The following TSHR variants were observed in gnomAD, a reference collection of about 807,000 sequenced individuals.
The protein encoded by TSHR is thyroid stimulating hormone receptor, also known as thyrotropin receptor.
A neutral mutation model predicts 64.1 loss-of-function variants in TSHR; 51 were observed. The ratio of observed to expected loss-of-function variants is 0.80; its 90% CI spans 0.64 to 1.01. The LOEUF (loss-of-function observed/expected upper bound fraction) is 1.01, where lower values mean the gene tolerates loss of function less well. Among genes scored for constraint, TSHR ranks in the 50% least tolerant of loss-of-function variants. The probability of loss-of-function intolerance (pLI) is 0.00; values close to 1 mark genes in which losing one functional copy is unlikely to be tolerated. For missense variants in TSHR, 877 were observed against 942.8 expected, an observed-to-expected ratio of 0.93 and a Z score of 0.91; for synonymous variants, 361 against 361.9, an observed-to-expected ratio of 1.00 and a Z score of 0.03.
intron 1 of TSHR, among the ~76,000 whole-genome samples, chr14:80,983,813 CA>C (rs1888297884): frequency 6.6e-6 from 1 of 152,180 alleles, no homozygotes; most frequent in Admixed American, 6.5e-5. Flanking sequence ...TTGGGGGTAT[CA>C]GATGAATATC....
intron 3 of TSHR, among the ~76,000 whole-genome samples, chr14:81,085,323 C>T (rs1350110273): frequency 6.6e-6 from 1 of 152,164 alleles, no homozygotes; most frequent in African/African-American, 2.4e-5. Flanking sequence ...GACCACTCCA[C>T]CCCTTCTCTG....
intron 1 of TSHR, among the ~76,000 whole-genome samples, chr14:81,054,228 G>T (rs187629046): frequency 6.6e-6 from 1 of 152,282 alleles, no homozygotes; most frequent in Non-Finnish European, 1.5e-5. Flanking sequence ...TTCTTTGCCT[G>T]CTGCCATCCA....
rs76459578 is a variant in TSHR, at chr14:80,984,865, G to A, written c.170+29015G>A. ...CATCAGCAAGGGGAACTTGTTAGATGTCCTTTGCATCTTTTTCTACCCATT... is the reference window on the plus strand; with the variant it reads ...CATCAGCAAGGGGAACTTGTTAGATATCCTTTGCATCTTTTTCTACCCATT... On this transcript the variant is annotated intron_variant, in intron 1 of 9. Transcript: ENST00000298171. Among the ~76,000 whole-genome samples the A allele has an allele frequency of 1.7e-3, 255 of 152,258 alleles. 2 individuals are homozygous for A. The East Asian group carries it at 0.04, about 24-fold the overall frequency.
chr14:80,968,271 G>A (rs1887418736), intron 1 of TSHR, among the ~76,000 whole-genome samples: 1 of 152,044 alleles, frequency 6.6e-6, no homozygotes, highest in Non-Finnish European at 1.5e-5. Context: ...CAGGTACCCA[G>A]GGTTGGTTAG....
chr14:81,079,448 A>C (rs1412064796), intron 3 of TSHR, among the ~76,000 whole-genome samples: 1 of 152,210 alleles, frequency 6.6e-6, no homozygotes, highest in Admixed American at 6.5e-5. Context: ...CTCTTGCCAA[A>C]GTTTTCTTAG....
rs192880617 is a variant in TSHR at position 81,108,608 on chromosome 14, A to T, written c.692+156A>T. 7.4e-6 allele frequency: 12 copies of T among 1,612,676 alleles called. No individual in the cohort carries two copies. In the Admixed American group the frequency reaches 1.5e-4, roughly 20 times the overall value. ...TGCAAGTCCCTCTTTTCCTGGCTGT[A>T]TAGGCTACCTCTTGGAAGAAAGTCC... On this transcript the variant is annotated intron_variant, in intron 8 of 9. Transcript: ENST00000298171.
At position 80,989,121 on chromosome 14, in the gene TSHR, T is replaced by C. The variant is rs551376725; in HGVS notation, c.170+33271T>C. 3.9e-5 allele frequency among the ~76,000 whole-genome samples: 6 copies of C among 152,318 alleles called. No individual in the cohort carries two copies. The South Asian group carries it at 1.2e-3, about 32-fold the overall frequency. On this transcript the variant is annotated intron_variant, in intron 1 of 9. Transcript: ENST00000298171. ...CTCTTTTCCCCATTGTCCTTACTTCTGTTATCATTGACTCTTCCTCTGCCT... is the reference window on the plus strand; with the variant it reads ...CTCTTTTCCCCATTGTCCTTACTTCCGTTATCATTGACTCTTCCTCTGCCT...
chr14:80,969,840 G>A (rs1887507834), intron 1 of TSHR, among the ~76,000 whole-genome samples: 1 of 152,160 alleles, frequency 6.6e-6, no homozygotes, highest in South Asian at 2.1e-4. Context: ...CATAGATATA[G>A]CCATATTTGT....
rs968009715 is a variant in TSHR at position 81,114,882 on chromosome 14, G to A, written c.692+6430G>A. On this transcript the variant is annotated intron_variant, in intron 8 of 9. Transcript: ENST00000298171. ...AGTGGGTCCCTGACCCCTGACCCCCGAGCAGCCTAACTGGGAGGCACCCCC... is the reference window on the plus strand; with the variant it reads ...AGTGGGTCCCTGACCCCTGACCCCCAAGCAGCCTAACTGGGAGGCACCCCC... 3.0e-4 allele frequency among the ~76,000 whole-genome samples: 46 copies of A among 152,114 alleles called. No homozygotes were observed. In the East Asian group the frequency reaches 3.5e-3, roughly 12 times the overall value.
intron 1 of TSHR, among the ~76,000 whole-genome samples, chr14:80,979,145 G>A (rs1888041801): frequency 1.3e-5 from 2 of 152,216 alleles, no homozygotes; most frequent in Admixed American, 1.3e-4. Flanking sequence ...ATAGTCATCT[G>A]CAACAACATG....
At chr14:80,998,799 C>T (rs1171714392) in intron 1 of TSHR, among the ~76,000 whole-genome samples, 3 of 152,072 alleles carry the variant, frequency 2.0e-5, no homozygotes, top group African/African-American at 7.2e-5. Flanking sequence ...TTCTTTTCCT[C>T]TTCTGGGCTA....
chr14:81,042,192 G>T (rs1283055096), intron 1 of TSHR, among the ~76,000 whole-genome samples: 1 of 152,124 alleles, frequency 6.6e-6, no homozygotes, highest in Non-Finnish European at 1.5e-5. Context: ...TACACTTTTG[G>T]TGGTAAATTA....
At chr14:81,024,238 G>GT (rs149038035) in intron 1 of TSHR, among the ~76,000 whole-genome samples, 16,815 of 150,200 alleles carry the variant, frequency 0.11, 1,133 homozygotes, top group East Asian at 0.32. Context: ...TTTAGGCATG[G>GT]TTTTTTTTTG....
chr14:81,093,214 T>C (rs781457398), intron 6 of TSHR, among the ~76,000 whole-genome samples: 4 of 152,238 alleles, frequency 2.6e-5, no homozygotes, highest in Non-Finnish European at 5.9e-5. Flanking sequence ...GGATATTACA[T>C]AGAAAGCATA....
chr14:80,969,098 A>G (rs1175318697), intron 1 of TSHR, among the ~76,000 whole-genome samples: 1 of 152,204 alleles, frequency 6.6e-6, no homozygotes, highest in Non-Finnish European at 1.5e-5. Context: ...AGAACACAAT[A>G]GCATATGTTG....
In TSHR at chr14:81,144,515, T is replaced by C. The variant is rs1237048719; in HGVS notation, c.*162T>C. On this transcript the variant is annotated 3_prime_UTR_variant, in exon 10 of 10. Coordinates refer to ENST00000298171, the MANE Select transcript of TSHR (RefSeq NM_000369.5). ...GCAAGAGTTTATCTCTGGAGAGTGATTAGTATTAACCTAATCATTGCCCCC... is the reference window on the plus strand; with the variant it reads ...GCAAGAGTTTATCTCTGGAGAGTGACTAGTATTAACCTAATCATTGCCCCC... The C allele has an allele frequency of 6.6e-6, 5 of 761,682 alleles. No individual in the cohort carries two copies. Among genetic ancestry groups the C allele is most frequent in the East Asian group, 2.7e-5 (1 of 37,490 alleles). 47.2% of individuals were successfully genotyped at this position (761,682 alleles called of 1,614,324 possible).
Position 80,969,400 on chromosome 14 carries a change from T to C in TSHR, c.170+13550T>C, listed in dbSNP as rs570607380. Among the ~76,000 whole-genome samples, 93 of 152,314 alleles carry C rather than the reference T, an allele frequency of 6.1e-4. 6 individuals carry two copies. In the South Asian group the frequency reaches 0.018, roughly 30 times the overall value. On this transcript the variant is annotated intron_variant, in intron 1 of 9. Transcript: ENST00000298171. The stretch of plus-strand genomic sequence containing the variant: ...TTAAATGGTGGTGCCGGTGGAGGCA[T>C]TGAAGTCAGAGAAGGCCAAATCCAA...
intron 1 of TSHR, among the ~76,000 whole-genome samples, chr14:81,037,080 T>G (rs940387673): frequency 9.2e-5 from 14 of 152,020 alleles, no homozygotes; most frequent in African/African-American, 3.4e-4. Flanking sequence ...GAGACGAGGT[T>G]GCAGTGAGCC....
intron 1 of TSHR, among the ~76,000 whole-genome samples, chr14:80,960,010 G>C (rs1313538145): frequency 1.3e-5 from 2 of 152,210 alleles, no homozygotes; most frequent in African/African-American, 4.8e-5. Context: ...TTAAATTCTA[G>C]CTACAGACTA....
Sources: allele counts gnomAD v4.1 joint callset (sites outside exome capture counted in the v4.1 genomes callset), GRCh38; gene constraint gnomAD v4.1.1; transcripts MANE v1.5; gene names NCBI Gene and HGNC (gene_info 2026-07-23, HGNC 2026-07-21).